The following CARD8 variants were observed in gnomAD, a reference collection of about 807,000 sequenced individuals.
CARD8 encodes caspase recruitment domain family member 8, also known as caspase recruitment domain-containing protein 8.
CARD8 carries 38 observed loss-of-function variants against 53.2 expected under a neutral mutation model. The observed-to-expected ratio is 0.71, with a 90% CI of 0.55 to 0.94. CARD8 has a LOEUF of 0.94. Ranked by LOEUF, CARD8 falls within the 40% of genes least tolerant of loss-of-function variation. CARD8 has a pLI of 0.00. For missense variants in CARD8, 561 were observed against 655.5 expected (o/e 0.86, Z 1.57); for synonymous variants, 245 against 244.9 (o/e 1.00, Z 0.00).
intron 11 of CARD8, 35 bp from the exon 12 acceptor site, chr19:48,219,047 G>C: frequency 6.2e-7 from 1 of 1,611,418 alleles, no homozygotes; most frequent in Non-Finnish European, 8.5e-7. Context: ...TGAAGCAGTG[G>C]AGGGTGGAAA....
Position 48,234,449 on chromosome 19 carries a change from A to C in CARD8, c.304T>G (p.Phe102Val). 6.2e-7 allele frequency: 1 copy of C among 1,613,588 alleles called. No individual in the cohort carries two copies. Among genetic ancestry groups the C allele is most frequent in the Non-Finnish European group, 8.5e-7 (1 of 1,179,762 alleles). Residue 102 changes from phenylalanine (F) to valine (V), a missense_variant, in exon 6 of 14, where the codon TTC (phenylalanine) becomes GTC (valine). By Grantham distance (50) the Phe-to-Val change is conservative. Transcript: ENST00000651546. Reference sequence around the variant, plus strand: ...AGTTGACACTCAGGAACAGCACGGAACAATAATGGCTCTGCCTCTGTCTCA... The same window carrying C: ...AGTTGACACTCAGGAACAGCACGGACCAATAATGGCTCTGCCTCTGTCTCA... ...DDETEAEPLL[F>V]RAVPECQLSG...
At chr19:48,245,297 C>G (rs2045926527) in intron 3 of CARD8, among the ~76,000 whole-genome samples, 1 of 152,142 alleles carries the variant, frequency 6.6e-6, no homozygotes, top group East Asian at 1.9e-4. Flanking sequence ...GCAACCTCTG[C>G]ATCCTGGGTT....
intron 1 of CARD8, among the ~76,000 whole-genome samples, chr19:48,254,282 G>C (rs902934297): frequency 6.6e-6 from 1 of 152,030 alleles, no homozygotes; most frequent in Non-Finnish European, 1.5e-5. Context: ...AATGAGAAAA[G>C]TTAGCTCATA....
rs151047245 is a variant in CARD8 at position 48,250,494 on chromosome 19, C to T, written c.-251-647G>A. On this transcript the variant is annotated intron_variant, in intron 1 of 13. Transcript: ENST00000651546. ...CTTTCCTGGCTTTATTTGTCAGGGT[C>T]ATCTTAACATTAGTGGCTCCATTTT... Among the ~76,000 whole-genome samples, 10 of 152,298 alleles carry T rather than the reference C, an allele frequency of 6.6e-5. No individual in the cohort carries two copies. The East Asian group carries it at 1.9e-3, about 29-fold the overall frequency.
At chr19:48,242,669 A>C (rs1347480302) in intron 3 of CARD8, 1 of 152,194 alleles carries the variant, frequency 6.6e-6, no homozygotes, top group Admixed American at 6.5e-5. Context: ...GATACTGTGA[A>C]TATTCAGGTA....
chr19:48,207,734 G>GTTTTTTTTTTTTTTTTTTT (rs758903014), downstream of CARD8, among the ~76,000 whole-genome samples: 17 of 116,532 alleles, frequency 1.5e-4, 1 homozygote, highest in African/African-American at 5.2e-4. Context: ...TTGTTTTTCT[G>GTTTTTTTTTTTTTTTTTTT]TTTTTTTTTT....
At chr19:48,252,830 C>CACACAT (rs2047109281) in intron 1 of CARD8, among the ~76,000 whole-genome samples, 1 of 151,960 alleles carries the variant, frequency 6.6e-6, no homozygotes, top group Non-Finnish European at 1.5e-5. Flanking sequence ...CACACACACA[C>CACACAT]ACACACATAT....
intron 12 of CARD8, among the ~76,000 whole-genome samples, chr19:48,218,072 C>A (rs1285020812): frequency 1.3e-5 from 2 of 152,180 alleles, no homozygotes; most frequent in Non-Finnish European, 2.9e-5. Flanking sequence ...CTCTCCCAGG[C>A]CCCTTGAGCA....
chr19:48,204,075 G>A (rs922252092), downstream of CARD8: 4 of 437,578 alleles, frequency 9.1e-6, no homozygotes, highest in South Asian at 4.8e-5. Flanking sequence ...CTCTTTACCC[G>A]CTGAGCATTG....
chr19:48,222,974 T>C (rs1286329089), intron 10 of CARD8, among the ~76,000 whole-genome samples: 4 of 152,156 alleles, frequency 2.6e-5, no homozygotes, highest in African/African-American at 7.2e-5. Context: ...GTGTCAACTA[T>C]GAAAATTATG....
rs560881160 is a variant in CARD8 at position 48,245,212 on chromosome 19, A to G, written c.-43-4149T>C. Among the ~76,000 whole-genome samples, 4 of 152,242 alleles carry G rather than the reference A, an allele frequency of 2.6e-5. No homozygotes were observed. The South Asian group carries it at 8.3e-4, about 32-fold the overall frequency. On this transcript the variant is annotated intron_variant, in intron 3 of 13. Coordinates refer to ENST00000651546, the MANE Select transcript of CARD8 (RefSeq NM_001184900.3). ...GATAAACCAGTAAGTTAGAGAAAGAATCTTTTTTTTTCTTTGAGACGGGGC... is the reference window on the plus strand; with the variant it reads ...GATAAACCAGTAAGTTAGAGAAAGAGTCTTTTTTTTTCTTTGAGACGGGGC...
intron 6 of CARD8, chr19:48,233,639 GT>G (rs1368603834): frequency 1.3e-5 from 4 of 300,640 alleles, no homozygotes; most frequent in Non-Finnish European, 2.6e-5. Context: ...CTGAGGAGGG[GT>G]TTAGAAAGTG....
intron 12 of CARD8, among the ~76,000 whole-genome samples, chr19:48,216,929 G>T (rs1165976519): frequency 6.6e-6 from 1 of 152,026 alleles, no homozygotes; most frequent in Admixed American, 6.6e-5. Context: ...CCATAATGTA[G>T]AATCAGTGGG....
At chr19:48,222,774 C>G (rs973035301) in intron 10 of CARD8, among the ~76,000 whole-genome samples, 2 of 151,998 alleles carry the variant, frequency 1.3e-5, no homozygotes, top group African/African-American at 4.8e-5. Flanking sequence ...TGGGAAGTCT[C>G]AGGTACAACT....
intron 12 of CARD8, among the ~76,000 whole-genome samples, chr19:48,216,409 C>CT (rs1445101620): frequency 1.3e-5 from 2 of 152,184 alleles, no homozygotes; most frequent in Non-Finnish European, 2.9e-5. Flanking sequence ...CTCTGACAAT[C>CT]TGAGATGCTA....
At chr19:48,212,285 A>C (rs565664320) in intron 13 of CARD8, among the ~76,000 whole-genome samples, 2 of 152,324 alleles carry the variant, frequency 1.3e-5, no homozygotes, top group African/African-American at 4.8e-5. Context: ...CTGTACATAC[A>C]TTTATATATA....
intron 10 of CARD8, among the ~76,000 whole-genome samples, chr19:48,228,333 G>A (rs1230434469): frequency 6.6e-6 from 1 of 152,120 alleles, no homozygotes; most frequent in African/African-American, 2.4e-5. Context: ...TCACCACCCT[G>A]GTCTGTGGAA....
At chr19:48,216,777 G>A (rs774143990) in intron 12 of CARD8, among the ~76,000 whole-genome samples, 5 of 152,194 alleles carry the variant, frequency 3.3e-5, no homozygotes, top group Admixed American at 6.5e-5. Flanking sequence ...ACCTGGGACC[G>A]GTTTAGTGGA....
intron 12 of CARD8, among the ~76,000 whole-genome samples, chr19:48,218,184 C>A (rs1269994678): frequency 6.7e-6 from 1 of 150,236 alleles, no homozygotes; most frequent in Non-Finnish European, 1.5e-5. Flanking sequence ...TTGGCAAGAA[C>A]ATTTTATTTT....
Sources: allele counts gnomAD v4.1 joint callset (sites outside exome capture counted in the v4.1 genomes callset), GRCh38; gene constraint gnomAD v4.1.1; transcripts MANE v1.5; gene names NCBI Gene and HGNC (gene_info 2026-07-23, HGNC 2026-07-21).